LMNB1: variants seen among roughly 807,000 people sequenced by gnomAD.
LMNB1 encodes the protein lamin-B1.
A neutral mutation model predicts 67.1 loss-of-function variants in LMNB1; 23 were observed. The ratio of observed to expected loss-of-function variants is 0.34; its 90% CI spans 0.25 to 0.49. The LOEUF is 0.49. Ranked by LOEUF, LMNB1 falls within the 20% of genes least tolerant of loss-of-function variation. The pLI, the probability that LMNB1 is intolerant of heterozygous loss-of-function variation, is 0.99. For synonymous variants in LMNB1, 281 were observed against 282.9 expected (o/e 0.99, Z 0.07); for missense variants, 634 against 746.5 (o/e 0.85, Z 1.76).
rs1750476821 is a variant in LMNB1 at position 126,777,178 on chromosome 5, G to C, written c.-331G>C. On this transcript the variant is annotated 5_prime_UTR_variant, in exon 1 of 11. Transcript: ENST00000261366. ...AGGAAACAAAGTGCTGCGAGCAGGAGACGGCGGCGGCGCGAACCCTGCTGG... is the reference window on the plus strand; with the variant it reads ...AGGAAACAAAGTGCTGCGAGCAGGACACGGCGGCGGCGCGAACCCTGCTGG... 1 of 232,814 alleles carries C rather than the reference G, an allele frequency of 4.3e-6. No homozygotes were observed. Among genetic ancestry groups the C allele is most frequent in the African/African-American group, 2.3e-5 (1 of 43,932 alleles). 14.4% of individuals were successfully genotyped at this position (232,814 alleles called of 1,614,324 possible). A position where few individuals can be genotyped will look rare whatever the true frequency, so the allele number is the denominator to read the frequency against.
intron 9 of LMNB1, among the ~76,000 whole-genome samples, chr5:126,826,897 A>G (rs1752010408): frequency 1.3e-5 from 2 of 152,144 alleles, no homozygotes; most frequent in Admixed American, 6.5e-5. Flanking sequence ...TGAGTTCAGC[A>G]TGGTTTGTTC....
chr5:126,804,726 T>A (rs763885854), intron 1 of LMNB1, 50 bp from the exon 2 acceptor site: 1 of 1,544,444 alleles, frequency 6.5e-7, no homozygotes, highest in South Asian at 1.2e-5. Flanking sequence ...GGAGAAGACC[T>A]CAAGTCATCA....
At chr5:126,834,354 C>T (rs906437386) in intron 10 of LMNB1, among the ~76,000 whole-genome samples, 7 of 152,086 alleles carry the variant, frequency 4.6e-5, no homozygotes, top group African/African-American at 9.7e-5. Flanking sequence ...TACAGGCATG[C>T]GCCACCACGC....
chr5:126,827,903 C>T (rs985450562), intron 9 of LMNB1, among the ~76,000 whole-genome samples: 1 of 152,166 alleles, frequency 6.6e-6, no homozygotes, highest in Non-Finnish European at 1.5e-5. Context: ...CACGGGCAGG[C>T]CTCTAACCTG....
chr5:126,804,735 C>T lies in LMNB1; in HGVS notation c.360-41C>T, dbSNP rs369725365. On this transcript the variant is annotated intron_variant, in intron 1 of 10. Coordinates refer to ENST00000261366, the MANE Select transcript of LMNB1 (RefSeq NM_005573.4). ...AGAGAGGGAGAAGACCTCAAGTCATCAGTATGGTTTGATGTCTTATGCTTT... is the reference window on the plus strand; with the variant it reads ...AGAGAGGGAGAAGACCTCAAGTCATTAGTATGGTTTGATGTCTTATGCTTT... The T allele has an allele frequency of 2.5e-6, 4 of 1,574,036 alleles. No individual in the cohort carries two copies. In the African/African-American group the frequency reaches 5.4e-5, roughly 21 times the overall value.
intron 1 of LMNB1, among the ~76,000 whole-genome samples, chr5:126,778,230 C>T (rs913628143): frequency 3.3e-5 from 5 of 151,946 alleles, no homozygotes; most frequent in South Asian, 2.1e-4. Context: ...GTGCGGGGAG[C>T]TGGAGCGCGA....
rs184824187 is a variant in LMNB1 at position 126,785,355 on chromosome 5, G to T, written c.359+7488G>T. The stretch of plus-strand genomic sequence containing the variant: ...TCGCCAGGCTGGAGTGCAGTGGCAC[G>T]ATCTCAGCTCACTACAGCCTCTGCC... On this transcript the variant is annotated intron_variant, in intron 1 of 10. Transcript: ENST00000261366. Among the ~76,000 whole-genome samples the T allele has an allele frequency of 2.7e-5, 4 of 146,888 alleles. No homozygotes were observed. The East Asian group carries it at 6.1e-4, about 22-fold the overall frequency.
intron 1 of LMNB1, among the ~76,000 whole-genome samples, chr5:126,779,361 G>C (rs1177253620): frequency 1.3e-5 from 2 of 152,100 alleles, no homozygotes; most frequent in East Asian, 1.9e-4. Context: ...TACTAAGCTT[G>C]TATTTCCCTT....
At chr5:126,787,645 G>A (rs1750843902) in intron 1 of LMNB1, among the ~76,000 whole-genome samples, 1 of 147,102 alleles carries the variant, frequency 6.8e-6, no homozygotes, top group Non-Finnish European at 1.5e-5. Context: ...CCACCTCCTG[G>A]GTTCAAATGA....
rs562869915 is a variant in LMNB1, at chr5:126,802,693, G to A, written c.360-2083G>A. 1.2e-4 allele frequency among the ~76,000 whole-genome samples: 18 copies of A among 151,830 alleles called. No homozygotes were observed. In the East Asian group the frequency reaches 2.5e-3, roughly 21 times the overall value. ...TGACCTCAGGTGATCCACTTGCCTC[G>A]GCCTCCCAAAATGCTGGGATTACAG... On this transcript the variant is annotated intron_variant, in intron 1 of 10. Coordinates refer to ENST00000261366, the MANE Select transcript of LMNB1 (RefSeq NM_005573.4).
At chr5:126,835,102 G>C (rs1474506390) in intron 10 of LMNB1, among the ~76,000 whole-genome samples, 10 of 152,168 alleles carry the variant, frequency 6.6e-5, no homozygotes, top group Admixed American at 2.0e-4. Flanking sequence ...GGAGATTCCA[G>C]AGGCAGTGAG....
chr5:126,809,568 T>A lies in LMNB1; in HGVS notation c.643-612T>A, dbSNP rs188198749. On this transcript the variant is annotated intron_variant, in intron 3 of 10. Coordinates refer to ENST00000261366, the MANE Select transcript of LMNB1 (RefSeq NM_005573.4). ...TGGGCATGGTGGTATGTGCCTGTAA[T>A]CCCAGTTACTAGGGAGGCTGATGCA... is the stretch of plus-strand genomic sequence containing the variant. Among the ~76,000 whole-genome samples the A allele has an allele frequency of 7.9e-5, 12 of 152,238 alleles. No individual in the cohort carries two copies. In the East Asian group the frequency reaches 2.3e-3, roughly 29 times the overall value.
chr5:126,785,003 C>T (rs1004141613), intron 1 of LMNB1, among the ~76,000 whole-genome samples: 7 of 150,242 alleles, frequency 4.7e-5, no homozygotes, highest in Non-Finnish European at 3.0e-5. Flanking sequence ...ATTTTTGAGA[C>T]GGAGTCTTGC....
intron 1 of LMNB1, among the ~76,000 whole-genome samples, chr5:126,791,468 CT>C (rs1170580250): frequency 2.0e-5 from 3 of 151,686 alleles, no homozygotes; most frequent in Non-Finnish European, 4.4e-5. Context: ...TATTCTGTCT[CT>C]TTTTTTTAAA....
Position 126,797,035 on chromosome 5 carries a change from C to T in LMNB1, c.360-7741C>T, listed in dbSNP as rs974238099. On this transcript the variant is annotated intron_variant, in intron 1 of 10. Coordinates refer to ENST00000261366, the MANE Select transcript of LMNB1 (RefSeq NM_005573.4). ...AACTCCTGGCCTCATATGATCCACC[C>T]GCTGCAGCCTCCCAAAGTGCTGGGA... Among the ~76,000 whole-genome samples, 4 of 152,050 alleles carry T rather than the reference C, an allele frequency of 2.6e-5. No homozygotes were observed. In the South Asian group the frequency reaches 8.3e-4, roughly 31 times the overall value.
rs755859516 is a variant in LMNB1 at position 126,832,657 on chromosome 5, A to G, written c.1612-37A>G. On this transcript the variant is annotated intron_variant, in intron 9 of 10. Coordinates refer to ENST00000261366, the MANE Select transcript of LMNB1 (RefSeq NM_005573.4). The stretch of plus-strand genomic sequence containing the variant: ...CCTCTCCCCCGCATTTGGTGATTTT[A>G]AGTGTGTTTTTTAACTTAAACTACT... 17 of 1,457,326 alleles carry G rather than the reference A, an allele frequency of 1.2e-5. No homozygotes were observed. In the East Asian group the frequency reaches 2.5e-4, roughly 22 times the overall value. The allele number at this position is 1,457,326 out of a possible 1,614,324, so 90.3% of individuals were successfully genotyped here.
intron 1 of LMNB1, among the ~76,000 whole-genome samples, chr5:126,798,649 G>T (rs942749340): frequency 1.3e-5 from 2 of 152,090 alleles, no homozygotes; most frequent in African/African-American, 4.8e-5. Flanking sequence ...TCTTGGAAGA[G>T]ACATGATATT....
intron 3 of LMNB1, 32 bp downstream of exon 3, chr5:126,805,728 A>ATGG (rs1751400775): frequency 1.3e-6 from 2 of 1,526,950 alleles, no homozygotes; most frequent in African/African-American, 1.4e-5. Flanking sequence ...TTGTAAAGGA[A>ATGG]TGGAGGGGTT....
intron 1 of LMNB1, among the ~76,000 whole-genome samples, chr5:126,779,667 G>A (rs1470060092): frequency 6.6e-6 from 1 of 152,160 alleles, no homozygotes; most frequent in Non-Finnish European, 1.5e-5. Flanking sequence ...GGGAGGCGAG[G>A]TGAGCGGATC....
Sources: allele counts gnomAD v4.1 joint callset (sites outside exome capture counted in the v4.1 genomes callset), GRCh38; gene constraint gnomAD v4.1.1; transcripts MANE v1.5; gene names NCBI Gene and HGNC (gene_info 2026-07-23, HGNC 2026-07-21).